The following TANK variants were observed in gnomAD, a reference collection of about 807,000 sequenced individuals.
TANK encodes TRAF family member-associated NF-kappa-B activator.
A neutral mutation model predicts 43.6 loss-of-function variants in TANK; 15 were observed. That is an observed-to-expected ratio of 0.34 (90% confidence interval 0.23 to 0.53). TANK has a LOEUF of 0.53. TANK is among the 20% of genes least tolerant of loss of function. The pLI, the probability that TANK is intolerant of heterozygous loss-of-function variation, is 0.94. For synonymous variants in TANK, 162 were observed against 178.2 expected, an observed-to-expected ratio of 0.91 and a Z score of 0.73; for missense variants, 417 against 498.6, an observed-to-expected ratio of 0.84 and a Z score of 1.56.
chr2:161,188,766 T>C (rs1558984289), intron 2 of TANK, among the ~76,000 whole-genome samples: 2 of 152,198 alleles, frequency 1.3e-5, no homozygotes, highest in African/African-American at 2.4e-5. Context: ...GTTTGAATGT[T>C]TGTCGCCTCC....
At chr2:161,160,416 C>A, upstream of TANK, 2 of 1,240,490 alleles carry the variant, frequency 1.6e-6, no homozygotes, top group Non-Finnish European at 2.0e-6. Context: ...AATGCAACTT[C>A]CGGTTGGAGT....
chr2:161,202,001 T>TC (rs1686434222), intron 2 of TANK, among the ~76,000 whole-genome samples: 1 of 152,192 alleles, frequency 6.6e-6, no homozygotes, highest in Non-Finnish European at 1.5e-5. Context: ...ATGTATAAGT[T>TC]ACTTAATCCA....
chr2:161,230,695 G>C lies in TANK; in HGVS notation c.521-276G>C, dbSNP rs139825264. ...TACAAGCAAATGTTTTTCAAGTGTG[G>C]AGCAGTGTAACTGTGAACAAGATGC... On this transcript the variant is annotated intron_variant, in intron 6 of 7. Coordinates refer to ENST00000392749, the MANE Select transcript of TANK (RefSeq NM_001199135.3). 5.1e-4 allele frequency among the ~76,000 whole-genome samples: 77 copies of C among 152,290 alleles called. 1 individual carries two copies. The highest frequency in any genetic ancestry group is 1.7e-3 in the African/African-American group (72 of 41,552).
chr2:161,140,063 T>G (rs1683698271), intron 1 of TANK: 1 of 396,796 alleles, frequency 2.5e-6, no homozygotes, highest in Admixed American at 6.4e-5. Flanking sequence ...AAAATTAGTC[T>G]ATATTTTTAT....
chr2:161,181,628 G>A (rs1420236954), intron 2 of TANK, among the ~76,000 whole-genome samples: 1 of 152,090 alleles, frequency 6.6e-6, no homozygotes, highest in East Asian at 1.9e-4. Context: ...AGGGGGGGAT[G>A]TGCCACACAC....
chr2:161,152,825 C>A (rs997531494), intron 1 of TANK, among the ~76,000 whole-genome samples: 2 of 152,098 alleles, frequency 1.3e-5, no homozygotes, highest in Non-Finnish European at 2.9e-5. Context: ...GACTTTCAGT[C>A]AATTGTCTTA....
intron 4 of TANK, chr2:161,216,296 G>A (rs1687113584): frequency 9.4e-6 from 4 of 427,344 alleles, no homozygotes; most frequent in African/African-American, 2.1e-5. Flanking sequence ...TCTGCTAGAC[G>A]GCCAAATGGC....
rs1684981427 is a variant in TANK at position 161,172,340 on chromosome 2, TGTA to T, written c.-49-7271_-49-7269del. On this transcript the variant is annotated intron_variant, in intron 1 of 7. Coordinates refer to ENST00000392749, the MANE Select transcript of TANK (RefSeq NM_001199135.3). Reference sequence around the variant, plus strand: ...TTCTCTATTGTTTTCTTTTCAAAAATGTAGTTTTTTTCGGCTTTTTTTTTTTTT... The same window carrying T: ...TTCTCTATTGTTTTCTTTTCAAAAATGTTTTTTTCGGCTTTTTTTTTTTTT... Among the ~76,000 whole-genome samples, 4 of 150,424 alleles carry T rather than the reference TGTA, an allele frequency of 2.7e-5. No homozygotes were observed. In the South Asian group the frequency reaches 8.4e-4, roughly 31 times the overall value.
chr2:161,232,734 C>T (rs1408652751), intron 7 of TANK: 2 of 1,548,750 alleles, frequency 1.3e-6, no homozygotes, highest in South Asian at 2.4e-5. Context: ...TTTTACTAGT[C>T]TGTGCATTCA....
chr2:161,163,763 C>T (rs112735523), intron 1 of TANK, among the ~76,000 whole-genome samples: 1 of 152,306 alleles, frequency 6.6e-6, no homozygotes, highest in African/African-American at 2.4e-5. Flanking sequence ...ACTTATTTAA[C>T]ATGAAGTGAA....
intron 4 of TANK, chr2:161,216,303 TG>T (rs1687114059): frequency 2.3e-6 from 1 of 437,968 alleles, no homozygotes. Context: ...GACGGCCAAA[TG>T]GCCACAGTGA....
Position 161,235,565 on chromosome 2 carries a change from G to T in TANK, c.*47G>T. ...ATCAAGTTCTATGTGATGATTTTGG[G>T]TTTTTAATACTATAAATACTTGATT... On this transcript the variant is annotated 3_prime_UTR_variant, in exon 8 of 8. Transcript: ENST00000392749. 2.7e-6 allele frequency: 4 copies of T among 1,463,244 alleles called. No homozygotes were observed. The highest frequency in any genetic ancestry group is 2.8e-6 in the Non-Finnish European group (3 of 1,086,088). 90.6% of individuals were successfully genotyped at this position (1,463,244 alleles called of 1,614,324 possible).
intron 2 of TANK, among the ~76,000 whole-genome samples, chr2:161,198,248 A>G (rs1686245833): frequency 6.6e-6 from 1 of 152,226 alleles, no homozygotes; most frequent in Non-Finnish European, 1.5e-5. Context: ...CCTCAGATAA[A>G]CAACAAAAAA....
chr2:161,174,788 A>T (rs1236120244), intron 1 of TANK, among the ~76,000 whole-genome samples: 1 of 152,166 alleles, frequency 6.6e-6, no homozygotes, highest in African/African-American at 2.4e-5. Context: ...TATGCTTAAG[A>T]ATTGTCTCAG....
At chr2:161,233,918 C>T (rs1253728854) in intron 7 of TANK, among the ~76,000 whole-genome samples, 1 of 152,006 alleles carries the variant, frequency 6.6e-6, no homozygotes, top group Non-Finnish European at 1.5e-5. Flanking sequence ...TTTGTATGCT[C>T]ACAATTTTTA....
chr2:161,197,599 G>A, intron 2 of TANK: 1 of 156,710 alleles, frequency 6.4e-6, no homozygotes, highest in Non-Finnish European at 1.4e-5. Context: ...CGAGGCTCCA[G>A]CAGGCTTGGT....
chr2:161,236,229 AAG>A (rs1688166715), exon 8 of TANK: 1 of 151,442 alleles, frequency 6.6e-6, no homozygotes, highest in South Asian at 2.1e-4. Context: ...AAAAAAAAAA[AAG>A]GGAAGGAAGG....
intron 1 of TANK, chr2:161,161,716 A>G (rs1417025343): frequency 3.0e-6 from 1 of 330,976 alleles, no homozygotes; most frequent in Non-Finnish European, 5.7e-6. Context: ...GTGGTACTGC[A>G]TTGTGTAGAT....
chr2:161,231,663 C>A, intron 7 of TANK, 112 bp downstream of exon 7: 1 of 988,776 alleles, frequency 1.0e-6, no homozygotes, highest in African/African-American at 1.6e-5. Flanking sequence ...AAACTACTGA[C>A]AGCCAAAGTT....
Sources: gnomAD v4.1 joint callset for allele counts (sites outside exome capture counted in the v4.1 genomes callset) on GRCh38, gnomAD v4.1.1 for gene constraint, MANE v1.5 for transcripts, NCBI Gene and HGNC (gene_info 2026-07-23, HGNC 2026-07-21) for gene names.